Variants in ETV6 observed in about 807,000 individuals in gnomAD.
ETV6 encodes the protein transcription factor ETV6.
ETV6 carries 16 observed loss-of-function variants against 51.1 expected under a neutral mutation model. The ratio of observed to expected loss-of-function variants is 0.31; its 90% CI spans 0.21 to 0.48. ETV6 has a LOEUF of 0.48. Ranked by LOEUF, ETV6 falls within the 20% of genes least tolerant of loss-of-function variation. The pLI, the probability that ETV6 is intolerant of heterozygous loss-of-function variation, is 0.99. For synonymous variants in ETV6, 240 were observed against 224.1 expected (o/e 1.07, Z -0.64); for missense variants, 458 against 594.8 (o/e 0.77, Z 2.39).
chr12:11,714,070 C>A (rs1865224642), intron 1 of ETV6, among the ~76,000 whole-genome samples: 2 of 152,198 alleles, frequency 1.3e-5, no homozygotes, highest in South Asian at 4.1e-4. Flanking sequence ...TTGAGATGCA[C>A]TGCACTAGAA....
intron 2 of ETV6, chr12:11,768,802 T>C: frequency 5.1e-6 from 2 of 395,232 alleles, no homozygotes; most frequent in South Asian, 3.8e-5. Context: ...TGGCCAGCTC[T>C]GTCCACACCT....
intron 1 of ETV6, among the ~76,000 whole-genome samples, chr12:11,662,042 G>A (rs35534801): frequency 0.035 from 5,323 of 152,142 alleles, 112 homozygotes; most frequent in Admixed American, 0.062. Context: ...AAAGGACCTC[G>A]GTGTTAGGTA....
At chr12:11,679,816 C>A (rs1010990159) in intron 1 of ETV6, among the ~76,000 whole-genome samples, 3 of 152,168 alleles carry the variant, frequency 2.0e-5, no homozygotes, top group Admixed American at 2.0e-4. Flanking sequence ...CTCCATGAGC[C>A]ATCTAGGAGA....
chr12:11,701,280 G>A (rs543021408), intron 1 of ETV6, among the ~76,000 whole-genome samples: 1 of 152,146 alleles, frequency 6.6e-6, no homozygotes, highest in East Asian at 1.9e-4. Flanking sequence ...GCAAACGCTG[G>A]CATGCCCTTC....
intron 2 of ETV6, among the ~76,000 whole-genome samples, chr12:11,825,304 A>C (rs1202802172): frequency 1.3e-5 from 2 of 152,242 alleles, no homozygotes; most frequent in African/African-American, 4.8e-5. Context: ...ATTTTTTAAA[A>C]GAGAAACACA....
chr12:11,876,996 AG>A (rs746773549), intron 5 of ETV6, among the ~76,000 whole-genome samples: 16 of 152,248 alleles, frequency 1.1e-4, no homozygotes, highest in Non-Finnish European at 2.1e-4. Context: ...AGAAACAAAA[AG>A]ATTCTAATCA....
At chr12:11,811,249 G>A (rs1286413545) in intron 2 of ETV6, among the ~76,000 whole-genome samples, 1 of 152,210 alleles carries the variant, frequency 6.6e-6, no homozygotes, top group Admixed American at 6.5e-5. Context: ...CTAAAAATGA[G>A]AAATGCTCTG....
At chr12:11,690,886 C>CTAAATAAATAAATAAA (rs58188628) in intron 1 of ETV6, among the ~76,000 whole-genome samples, 61,990 of 140,194 alleles carry the variant, frequency 0.44, 15,568 homozygotes, top group Middle Eastern at 0.6. Flanking sequence ...GACTCTGTCT[C>CTAAATAAATAAATAAA]TAAATAAATA....
intron 1 of ETV6, among the ~76,000 whole-genome samples, chr12:11,675,596 G>A (rs1864408377): frequency 6.6e-6 from 1 of 152,104 alleles, no homozygotes; most frequent in Non-Finnish European, 1.5e-5. Context: ...AGGATCACTT[G>A]AAGCCAGGAG....
At chr12:11,746,713 A>G (rs1865915021) in intron 1 of ETV6, among the ~76,000 whole-genome samples, 1 of 151,812 alleles carries the variant, frequency 6.6e-6, no homozygotes, top group Admixed American at 6.6e-5. Flanking sequence ...TTTCTTAATC[A>G]TAGGGAGAAA....
chr12:11,739,255 G>A (rs1865765035), intron 1 of ETV6, among the ~76,000 whole-genome samples: 2 of 152,056 alleles, frequency 1.3e-5, no homozygotes, highest in South Asian at 4.2e-4. Flanking sequence ...TTGCTGTTGG[G>A]GAAAAGAAGG....
intron 2 of ETV6, among the ~76,000 whole-genome samples, chr12:11,759,920 CA>C (rs1324099368): frequency 6.6e-6 from 1 of 152,162 alleles, no homozygotes; most frequent in East Asian, 1.9e-4. Context: ...TGAGTTACAC[CA>C]CATTAGTAAT....
chr12:11,849,895 C>T (rs764779736), intron 3 of ETV6, among the ~76,000 whole-genome samples: 15 of 152,264 alleles, frequency 9.9e-5, no homozygotes, highest in Non-Finnish European at 1.8e-4. Context: ...TCACAGTGCA[C>T]GCACAGCAAG....
intron 4 of ETV6, among the ~76,000 whole-genome samples, chr12:11,863,030 T>C (rs1449482653): frequency 6.6e-6 from 1 of 152,198 alleles, no homozygotes; most frequent in Non-Finnish European, 1.5e-5. Context: ...GTCTCCCTGG[T>C]GACCTTCTTC....
intron 7 of ETV6, among the ~76,000 whole-genome samples, chr12:11,888,115 A>AACAACGTCTTT (rs1947226999): frequency 6.6e-6 from 1 of 152,216 alleles, no homozygotes; most frequent in Non-Finnish European, 1.5e-5. Flanking sequence ...GGATTCACTC[A>AACAACGTCTTT]ACAACGTCTT....
At chr12:11,883,884 A>C (rs964419405) in intron 5 of ETV6, among the ~76,000 whole-genome samples, 2 of 152,116 alleles carry the variant, frequency 1.3e-5, no homozygotes, top group African/African-American at 4.8e-5. Context: ...TCACCAAGCC[A>C]CATAGTTTTT....
chr12:11,869,908 C>T lies in ETV6; in HGVS notation c.948C>T (p.Asn316=). Residue 316 remains asparagine (N), a synonymous_variant, in exon 5 of 8, where the codon AAC becomes AAT. Transcript: ENST00000396373. This position sits in a 1 kb window ranked among gnomAD's most constrained non-coding sequence, Gnocchi z 5.0. ...ATCGGGAAGACCTGGCTTACATGAACCACATCATGGTCTCTGTCTCCCCGC... is the reference window on the plus strand; with the variant it reads ...ATCGGGAAGACCTGGCTTACATGAATCACATCATGGTCTCTGTCTCCCCGC... The part of the protein sequence containing the change: ...LSHREDLAYM[N]HIMVSVSPPE... 1 of 1,612,208 alleles carries T rather than the reference C, an allele frequency of 6.2e-7. No individual in the cohort carries two copies. The highest frequency in any genetic ancestry group is 8.5e-7 in the Non-Finnish European group (1 of 1,179,994).
intron 1 of ETV6, among the ~76,000 whole-genome samples, chr12:11,670,669 C>G (rs1016159784): frequency 1.3e-5 from 2 of 152,168 alleles, no homozygotes; most frequent in Non-Finnish European, 2.9e-5. Context: ...CTGAGTATAA[C>G]TGGGGAGAAG....
chr12:11,884,609 G>C (rs1739007431), intron 6 of ETV6, 22 bp downstream of exon 6: 2 of 1,613,428 alleles, frequency 1.2e-6, no homozygotes, highest in Admixed American at 3.3e-5. Flanking sequence ...GCAGATATCT[G>C]CTCCATAAAC....
Sources: allele counts gnomAD v4.1 joint callset (sites outside exome capture counted in the v4.1 genomes callset), GRCh38; gene constraint gnomAD v4.1.1; non-coding constraint Gnocchi (gnomAD v3.1); transcripts MANE v1.5; gene names NCBI Gene and HGNC (gene_info 2026-07-23, HGNC 2026-07-21).